The following MEX3C variants were observed in gnomAD, a reference collection of about 807,000 sequenced individuals.
MEX3C encodes the protein mex-3 RNA binding family member C, also known as RNA-binding E3 ubiquitin-protein ligase MEX3C.
A neutral mutation model predicts 35.5 loss-of-function variants in MEX3C; 15 were observed. The observed-to-expected ratio is 0.42, with a 90% confidence interval of 0.28 to 0.65. The LOEUF (loss-of-function observed/expected upper bound fraction) is 0.65. Ranked by LOEUF, MEX3C falls within the 30% of genes least tolerant of loss-of-function variation. The pLI is 0.20. For synonymous variants in MEX3C, 390 were observed against 352.8 expected (o/e 1.11, Z -1.18); for missense variants, 711 against 842.8 (o/e 0.84, Z 1.94).
In MEX3C at chr18:51,196,939, C is replaced by T. The variant is rs375480813; in HGVS notation, c.382G>A (p.Glu128Lys). The change falls in exon 1 of 2, where the codon GAG becomes AAG. Residue 128 changes from glutamate to lysine, a missense_variant. Physicochemically the swap from Glu to Lys is moderately conservative, Grantham distance 56. Coordinates refer to ENST00000406189, the MANE Select transcript of MEX3C (RefSeq NM_016626.5). ...TCCTCCTCTGCTTCCTCCAGCTCCT[C>T]CTCCTCCAGCAGGTCTCCGTCCAGC... Reference protein sequence around the residue: ...AELDGDLLEEEELEEAEEEDR... With the variant: ...AELDGDLLEEKELEEAEEEDR... The T allele has an allele frequency of 4.4e-4, 675 of 1,544,282 alleles. 1 individual carries two copies. Among genetic ancestry groups the T allele is most frequent in the Non-Finnish European group, 5.3e-4 (606 of 1,145,928 alleles).
chr18:51,188,578 A>G (rs1912588146), intron 1 of MEX3C, among the ~76,000 whole-genome samples: 1 of 147,488 alleles, frequency 6.8e-6, no homozygotes, highest in Non-Finnish European at 1.5e-5. Flanking sequence ...AGCCTGGGCG[A>G]CAGAGTGAGA....
At chr18:51,178,209 G>T (rs1364386931) in intron 1 of MEX3C, among the ~76,000 whole-genome samples, 2 of 152,166 alleles carry the variant, frequency 1.3e-5, no homozygotes, top group African/African-American at 4.8e-5. Context: ...ACTGCAGATT[G>T]TATGGAATGT....
At chr18:51,192,618 C>T (rs908181492) in intron 1 of MEX3C, among the ~76,000 whole-genome samples, 6 of 152,086 alleles carry the variant, frequency 3.9e-5, no homozygotes, top group Admixed American at 1.3e-4. Flanking sequence ...CAGTATCCTA[C>T]GATTAGGGCA....
rs1912280771 is a variant in MEX3C, at chr18:51,175,518, T to C, written c.*833A>G. 6.5e-6 allele frequency: 1 copy of C among 152,766 alleles called. No homozygotes were observed. The highest frequency in any genetic ancestry group is 1.5e-5 in the Non-Finnish European group (1 of 68,026). The allele number at this position is 152,766 out of a possible 1,614,324, so 9.5% of individuals were successfully genotyped here. On this transcript the variant is annotated 3_prime_UTR_variant, in exon 2 of 2. Transcript: ENST00000406189. ...TGGATTGAACATAAAATGTTTCACA[T>C]TTTGATCTATAGTCTAAAAATTAAC...
In MEX3C at chr18:51,176,048, C is replaced by G. The variant is rs1046331771; in HGVS notation, c.*303G>C. The G allele has an allele frequency of 2.4e-5, 6 of 245,812 alleles. No homozygotes were observed. The highest frequency in any genetic ancestry group is 4.7e-5 in the Non-Finnish European group (6 of 128,222). The allele number at this position is 245,812 out of a possible 1,614,324, so 15.2% of individuals were successfully genotyped here. On this transcript the variant is annotated 3_prime_UTR_variant, in exon 2 of 2. Transcript: ENST00000406189. ...ACGTATACACTTTTTCATAGGCTCACACAACCTATGATTATCTTCACTCAG... is the reference window on the plus strand; with the variant it reads ...ACGTATACACTTTTTCATAGGCTCAGACAACCTATGATTATCTTCACTCAG...
Position 51,174,644 on chromosome 18 carries a change from G to A in MEX3C, c.*1707C>T, listed in dbSNP as rs1912258935. On this transcript the variant is annotated 3_prime_UTR_variant, in exon 2 of 2. Transcript: ENST00000406189. The stretch of plus-strand genomic sequence containing the variant: ...TCTTTACAGCAAATATATAATATCA[G>A]TGCTTTGGCCATCTTAAGTTAAAGG... The A allele has an allele frequency of 6.6e-6, 1 of 152,532 alleles. No homozygotes were observed. The highest frequency in any genetic ancestry group is 1.5e-5 in the Non-Finnish European group (1 of 68,020). 9.4% of individuals were successfully genotyped at this position (152,532 alleles called of 1,614,324 possible). A position where few individuals can be genotyped will look rare whatever the true frequency, so the allele number is the denominator to read the frequency against.
In MEX3C at chr18:51,177,156, G is replaced by A; in HGVS notation, c.1175C>T (p.Ala392Val). The change falls in exon 2 of 2, where the codon GCC becomes GTC. Residue 392 changes from alanine to valine, a missense_variant. Coordinates refer to ENST00000406189, the MANE Select transcript of MEX3C (RefSeq NM_016626.5). The surrounding 1 kb of genome is among the most constrained non-coding windows in gnomAD (Gnocchi z 4.2). ...CTCTATATAGTTTCCTGTACGCATG[G>A]CAATATGCATTTCTATTTCTTCCCG... ...RAREEIEMHI[A>V]MRTGNYIELN... 2 of 1,613,710 alleles carry A rather than the reference G, an allele frequency of 1.2e-6. No homozygotes were observed. The highest frequency in any genetic ancestry group is 1.7e-6 in the Non-Finnish European group (2 of 1,179,872).
At position 51,189,918 on chromosome 18, in the gene MEX3C, C is replaced by T. The variant is rs141325326; in HGVS notation, c.754+6649G>A. 5.3e-5 allele frequency among the ~76,000 whole-genome samples: 8 copies of T among 152,104 alleles called. No homozygotes were observed. In the South Asian group the frequency reaches 1.7e-3, roughly 32 times the overall value. On this transcript the variant is annotated intron_variant, in intron 1 of 1. Transcript: ENST00000406189. ...TTACATAATTTATTGGTATAGCCTACGAAAAACTTACTAAAATGACATTTT... is the reference window on the plus strand; with the variant it reads ...TTACATAATTTATTGGTATAGCCTATGAAAAACTTACTAAAATGACATTTT...
chr18:51,176,176 T>G lies in MEX3C; in HGVS notation c.*175A>C. ...CCAAACTAATAGACAAGAGACCACTTAGGTTTAGTGTTACCATAGCAGCCT... is the reference window on the plus strand; with the variant it reads ...CCAAACTAATAGACAAGAGACCACTGAGGTTTAGTGTTACCATAGCAGCCT... On this transcript the variant is annotated 3_prime_UTR_variant, in exon 2 of 2. Coordinates refer to ENST00000406189, the MANE Select transcript of MEX3C (RefSeq NM_016626.5). 3.4e-6 allele frequency: 2 copies of G among 590,268 alleles called. No homozygotes were observed. Among genetic ancestry groups the G allele is most frequent in the East Asian group, 2.9e-5 (1 of 34,202 alleles). 36.6% of individuals were successfully genotyped at this position (590,268 alleles called of 1,614,324 possible). A position where few individuals can be genotyped will look rare whatever the true frequency, so the allele number is the denominator to read the frequency against.
In MEX3C at chr18:51,197,085, C is replaced by T. The variant is rs1334392122; in HGVS notation, c.236G>A (p.Gly79Asp). Residue 79 changes from glycine (G) to aspartate (D), a missense_variant, in exon 1 of 2, where the codon GGC becomes GAC. Transcript: ENST00000406189. ...CAGCTCCGCCGCCCGCCGGGCCTGG[C>T]CCTGCGCCGCCGCTGCCGGGGCCCG... ...ALRAPAAAAQ[G>D]QARRAAELSP... 4.1e-6 allele frequency: 5 copies of T among 1,219,964 alleles called. No individual in the cohort carries two copies. In the African/African-American group the frequency reaches 7.9e-5, roughly 19 times the overall value. The allele number at this position is 1,219,964 out of a possible 1,614,324, so 75.6% of individuals were successfully genotyped here.
rs571387676 is a variant in MEX3C, at chr18:51,177,095, G to A, written c.1236C>T (p.Thr412=). The part of the protein sequence containing the change: ...NEENDFHYNG[T]DVSFEGGTLG... ...GAGTGCCACCTTCAAAGCTTACATC[G>A]GTACCATTGTAATGGAAATCATTCT... The change falls in exon 2 of 2, where the codon ACC becomes ACT. Residue 412 remains threonine (T), a synonymous_variant. Transcript: ENST00000406189. This position sits in a 1 kb window ranked among gnomAD's most constrained non-coding sequence, Gnocchi z 4.2. 43 of 1,613,944 alleles carry A rather than the reference G, an allele frequency of 2.7e-5. No homozygotes were observed. In the South Asian group the frequency reaches 3.7e-4, roughly 14 times the overall value.
intron 1 of MEX3C, among the ~76,000 whole-genome samples, chr18:51,189,312 A>C (rs1353368966): frequency 6.6e-6 from 1 of 152,178 alleles, no homozygotes; most frequent in Non-Finnish European, 1.5e-5. Flanking sequence ...TTGGACAAAA[A>C]TCAGAATATA....
chr18:51,189,116 C>T (rs943294698), intron 1 of MEX3C, among the ~76,000 whole-genome samples: 3 of 152,068 alleles, frequency 2.0e-5, no homozygotes, highest in Non-Finnish European at 4.4e-5. Flanking sequence ...TTGCACAGTG[C>T]CTGACACAAG....
intron 1 of MEX3C, among the ~76,000 whole-genome samples, chr18:51,183,478 G>T (rs528623744): frequency 1.1e-3 from 161 of 152,198 alleles, no homozygotes; most frequent in Non-Finnish European, 1.9e-3. Flanking sequence ...AGCTATAGTA[G>T]ACAGTATGAT....
chr18:51,182,845 G>T (rs577190440), intron 1 of MEX3C, among the ~76,000 whole-genome samples: 21 of 152,276 alleles, frequency 1.4e-4, no homozygotes, highest in Non-Finnish European at 2.8e-4. Flanking sequence ...TTTAAAAAAA[G>T]AACTCAATAT....
chr18:51,179,128 C>T (rs1028394617), intron 1 of MEX3C, among the ~76,000 whole-genome samples: 7 of 151,722 alleles, frequency 4.6e-5, no homozygotes, highest in Admixed American at 1.3e-4. Flanking sequence ...CCCAGCCACC[C>T]GAGTAGCTGG....
chr18:51,195,458 G>A (rs975426756), intron 1 of MEX3C: 17 of 152,228 alleles, frequency 1.1e-4, no homozygotes, highest in African/African-American at 3.9e-4. Context: ...CCACCATTTC[G>A]ACAGAGCTCT....
intron 1 of MEX3C, among the ~76,000 whole-genome samples, chr18:51,184,646 C>T (rs1451863270): frequency 6.6e-6 from 1 of 152,056 alleles, no homozygotes; most frequent in African/African-American, 2.4e-5. Context: ...CACTTGAGTT[C>T]AGGAGTTTGA....
At position 51,197,108 on chromosome 18, in the gene MEX3C, C is replaced by G; in HGVS notation, c.213G>C (p.Arg71=). 1 of 1,157,110 alleles carries G rather than the reference C, an allele frequency of 8.6e-7. No homozygotes were observed. Among genetic ancestry groups the G allele is most frequent in the South Asian group, 4.2e-5 (1 of 23,748 alleles). 71.7% of individuals were successfully genotyped at this position (1,157,110 alleles called of 1,614,324 possible). The change falls in exon 1 of 2, where the codon CGG becomes CGC. Residue 71 remains arginine (R), a synonymous_variant. Transcript: ENST00000406189. ...SPAEPGAPAL[R]APAAAAQGQA... is the part of the protein sequence containing the mutation. ...GGCCCTGCGCCGCCGCTGCCGGGGC[C>G]CGAAGCGCCGGGGCGCCGGGCTCCG...
Sources: allele counts gnomAD v4.1 joint callset (sites outside exome capture counted in the v4.1 genomes callset), GRCh38; gene constraint gnomAD v4.1.1; non-coding constraint Gnocchi (gnomAD v3.1); transcripts MANE v1.5; gene names NCBI Gene and HGNC (gene_info 2026-07-23, HGNC 2026-07-21).